Variants in SH3RF3 observed in about 807,000 individuals in gnomAD.
SH3RF3 encodes E3 ubiquitin-protein ligase SH3RF3.
Under a neutral mutation model 66.3 loss-of-function variants are expected in SH3RF3, and 29 were observed. That is an observed-to-expected ratio of 0.44 (90% CI 0.33 to 0.60). The LOEUF is 0.60. SH3RF3 is among the 20% of genes least tolerant of loss of function. SH3RF3 has a pLI of 0.04. For synonymous variants in SH3RF3, 583 were observed against 532.0 expected, an observed-to-expected ratio of 1.10 and a Z score of -1.32; for missense variants, 1,194 against 1,190.9, an observed-to-expected ratio of 1.00 and a Z score of -0.04.
chr2:109,400,248 G>A (rs143411539), intron 4 of SH3RF3, among the ~76,000 whole-genome samples: 1 of 150,710 alleles, frequency 6.6e-6, no homozygotes, highest in African/African-American at 2.4e-5. Context: ...ATATTACATG[G>A]ACACTTGAGC....
At chr2:109,276,685 T>C (rs1680765542) in intron 1 of SH3RF3, among the ~76,000 whole-genome samples, 2 of 152,334 alleles carry the variant, frequency 1.3e-5, no homozygotes, top group Middle Eastern at 3.4e-3. Context: ...CTAAGTCAGA[T>C]AGAGACCCTT....
At position 109,248,823 on chromosome 2, in the gene SH3RF3, CTT is replaced by C. The variant is rs375093376; in HGVS notation, c.574-98849_574-98848del. 9.3e-5 allele frequency among the ~76,000 whole-genome samples: 14 copies of C among 150,484 alleles called. No homozygotes were observed. In the East Asian group the frequency reaches 1.6e-3, roughly 17 times the overall value. ...TCTCTCTTTCTCTTTCGTTTTCTCT[CTT>C]TCTCTCTTTTCTCCTTTTCGTTTTC... is the stretch of plus-strand genomic sequence containing the variant. On this transcript the variant is annotated intron_variant, in intron 1 of 9. Coordinates refer to ENST00000309415, the MANE Select transcript of SH3RF3 (RefSeq NM_001099289.3).
rs1451824061 is a variant in SH3RF3 at position 109,484,093 on chromosome 2, AGTCTCGCTCTT to A, written c.2149-6506_2149-6496del. Among the ~76,000 whole-genome samples the A allele has an allele frequency of 1.9e-4, 26 of 138,120 alleles. No homozygotes were observed. In the Admixed American group the frequency reaches 2.0e-3, roughly 11 times the overall value. The allele number at this position is 138,120 out of a possible 152,430, so 90.6% of individuals were successfully genotyped here. On this transcript the variant is annotated intron_variant, in intron 8 of 9. Transcript: ENST00000309415. ...TTTTTTTTTTTTTTTTTTGAGACCGAGTCTCGCTCTTGTCTCCTAGGCTGGAGTGCAGTGGC... is the reference window on the plus strand; with the variant it reads ...TTTTTTTTTTTTTTTTTTGAGACCGAGTCTCCTAGGCTGGAGTGCAGTGGC...
intron 3 of SH3RF3, among the ~76,000 whole-genome samples, chr2:109,377,352 A>C (rs139809853): frequency 0.012 from 1,765 of 152,268 alleles, 24 homozygotes; most frequent in African/African-American, 0.033. Flanking sequence ...CCAGCTGCTG[A>C]TGATGAGCCT....
intron 1 of SH3RF3, among the ~76,000 whole-genome samples, chr2:109,250,821 C>T (rs1459096270): frequency 6.6e-6 from 1 of 151,378 alleles, no homozygotes; most frequent in Non-Finnish European, 1.5e-5. Flanking sequence ...ATTTTGAAGC[C>T]CTGGGAAATA....
chr2:109,296,353 G>A (rs1158266314), intron 1 of SH3RF3, among the ~76,000 whole-genome samples: 1 of 151,902 alleles, frequency 6.6e-6, no homozygotes, highest in Non-Finnish European at 1.5e-5. Flanking sequence ...TCAGCCTCCC[G>A]AGTAGCTGGG....
rs79152039 is a variant in SH3RF3, at chr2:109,430,487, C to T, written c.1404-2014C>T. 3.5e-3 allele frequency among the ~76,000 whole-genome samples: 526 copies of T among 152,044 alleles called. 19 individuals are homozygous for T. The East Asian group carries it at 0.061, about 18-fold the overall frequency. ...CTTCTCTTTCTTCCTCTGTCCTCTC[C>T]CCGTCCTCTCCCATCCTCTCCCCAT... On this transcript the variant is annotated intron_variant, in intron 5 of 9. Transcript: ENST00000309415.
At chr2:109,241,647 C>T (rs372232906) in intron 1 of SH3RF3, among the ~76,000 whole-genome samples, 9 of 152,110 alleles carry the variant, frequency 5.9e-5, no homozygotes, top group Non-Finnish European at 1.0e-4. Context: ...TCTGTCTCCC[C>T]GCCTCGCCAT....
At chr2:109,153,076 A>G (rs1256730996) in intron 1 of SH3RF3, among the ~76,000 whole-genome samples, 1 of 152,222 alleles carries the variant, frequency 6.6e-6, no homozygotes, top group Non-Finnish European at 1.5e-5. Flanking sequence ...AAGACAAGAC[A>G]GTCACTGTGA....
chr2:109,274,115 T>C (rs916380852), intron 1 of SH3RF3, among the ~76,000 whole-genome samples: 7 of 152,230 alleles, frequency 4.6e-5, no homozygotes, highest in Admixed American at 1.3e-4. Flanking sequence ...TCATTTGTGG[T>C]AGTATGTCAA....
chr2:109,286,522 A>G (rs957285428), intron 1 of SH3RF3, among the ~76,000 whole-genome samples: 36 of 152,166 alleles, frequency 2.4e-4, no homozygotes, highest in Non-Finnish European at 5.3e-4. Context: ...GCAGAAGACC[A>G]AGTCACTAAA....
At chr2:109,382,927 C>T (rs1405376640) in intron 3 of SH3RF3, among the ~76,000 whole-genome samples, 4 of 152,258 alleles carry the variant, frequency 2.6e-5, no homozygotes, top group African/African-American at 9.6e-5. Context: ...GTGTGGACCA[C>T]GCTCTTCCAG....
intron 5 of SH3RF3, among the ~76,000 whole-genome samples, chr2:109,430,911 T>C (rs889094892): frequency 6.6e-6 from 1 of 152,156 alleles, no homozygotes; most frequent in Non-Finnish European, 1.5e-5. Flanking sequence ...GAGGAGGGCA[T>C]GAGGGACACC....
intron 1 of SH3RF3, among the ~76,000 whole-genome samples, chr2:109,140,826 T>C (rs1436543439): frequency 1.3e-5 from 2 of 152,238 alleles, no homozygotes; most frequent in Non-Finnish European, 2.9e-5. Context: ...AACTAATCAG[T>C]GCCCCATCTT....
chr2:109,501,857 A>G lies in SH3RF3; in HGVS notation c.*186A>G. 1 of 579,132 alleles carries G rather than the reference A, an allele frequency of 1.7e-6. No individual in the cohort carries two copies. Among genetic ancestry groups the G allele is most frequent in the African/African-American group, 1.9e-5 (1 of 53,634 alleles). 35.9% of individuals were successfully genotyped at this position (579,132 alleles called of 1,614,324 possible). A position where few individuals can be genotyped will look rare whatever the true frequency, so the allele number is the denominator to read the frequency against. On this transcript the variant is annotated 3_prime_UTR_variant, in exon 10 of 10. Coordinates refer to ENST00000309415, the MANE Select transcript of SH3RF3 (RefSeq NM_001099289.3). The stretch of plus-strand genomic sequence containing the variant: ...GTCGTGCCTTCTCCCAAAACCCCCA[A>G]ACGGAGAGCACACCTGGGATGTTCT...
At chr2:109,289,947 T>A (rs1681122977) in intron 1 of SH3RF3, among the ~76,000 whole-genome samples, 1 of 152,222 alleles carries the variant, frequency 6.6e-6, no homozygotes, top group Non-Finnish European at 1.5e-5. Context: ...CCTATGGGGC[T>A]CTTGGAGTAG....
At chr2:109,174,869 C>G (rs1485095452) in intron 1 of SH3RF3, among the ~76,000 whole-genome samples, 1 of 152,222 alleles carries the variant, frequency 6.6e-6, no homozygotes, top group African/African-American at 2.4e-5. Flanking sequence ...CTTTCTGCCC[C>G]TCTGTCAACA....
chr2:109,336,547 A>G (rs966267775), intron 1 of SH3RF3, among the ~76,000 whole-genome samples: 13 of 152,182 alleles, frequency 8.5e-5, no homozygotes, highest in Non-Finnish European at 1.8e-4. Flanking sequence ...TCTTGAAGGA[A>G]CCAGTTTCCA....
At chr2:109,424,343 C>T (rs541336466) in intron 5 of SH3RF3, among the ~76,000 whole-genome samples, 182 of 152,330 alleles carry the variant, frequency 1.2e-3, no homozygotes, top group African/African-American at 4.0e-3. Context: ...AGCCACTCAT[C>T]GCCCTTCAGA....
Sources: allele counts gnomAD v4.1 joint callset (sites outside exome capture counted in the v4.1 genomes callset), GRCh38; gene constraint gnomAD v4.1.1; transcripts MANE v1.5; gene names NCBI Gene and HGNC (gene_info 2026-07-23, HGNC 2026-07-21).